The following ADAMTS20 variants were observed in gnomAD, a reference collection of about 807,000 sequenced individuals.
ADAMTS20 encodes the protein A disintegrin and metalloproteinase with thrombospondin motifs 20.
A neutral mutation model predicts 260.1 loss-of-function variants in ADAMTS20; 225 were observed. That is an observed-to-expected ratio of 0.87 (90% CI 0.78 to 0.97). The LOEUF is 0.97. Among genes scored for constraint, ADAMTS20 ranks in the 50% least tolerant of loss-of-function variants. The pLI is 0.00. For missense variants in ADAMTS20, 2,400 were observed against 2,337.7 expected, an observed-to-expected ratio of 1.03 and a Z score of -0.55; for synonymous variants, 802 against 769.5, an observed-to-expected ratio of 1.04 and a Z score of -0.70.
At chr12:43,532,428 G>A (rs1326866338) in intron 2 of ADAMTS20, among the ~76,000 whole-genome samples, 5 of 152,030 alleles carry the variant, frequency 3.3e-5, no homozygotes, top group Admixed American at 6.6e-5. Flanking sequence ...GCTAAGTGAC[G>A]GGCATTCCAG....
At chr12:43,517,529 T>TATTTGGTAATA (rs1268690791) in intron 3 of ADAMTS20, among the ~76,000 whole-genome samples, 1 of 152,084 alleles carries the variant, frequency 6.6e-6, no homozygotes, top group Admixed American at 6.6e-5. Flanking sequence ...TATTAAATAT[T>TATTTGGTAATA]ATTTGGTAAA....
chr12:43,466,712 A>T lies in ADAMTS20; in HGVS notation c.1307T>A (p.Phe436Tyr). 1 of 1,611,992 alleles carries T rather than the reference A, an allele frequency of 6.2e-7. No homozygotes were observed. Among genetic ancestry groups the T allele is most frequent in the Non-Finnish European group, 8.5e-7 (1 of 1,178,588 alleles). The change falls in exon 9 of 39, where the codon TTT becomes TAT. Residue 436 changes from phenylalanine to tyrosine, a missense_variant. Coordinates refer to ENST00000389420, the MANE Select transcript of ADAMTS20 (RefSeq NM_025003.5). ...TGACCAGCTCCAAGGACTCATGTGA[A>T]AACTTAAAGCAGGGGCCATTACATG... ...KYHVMAPALSFHMSPWSWSNC... is the reference protein window; with the variant it reads ...KYHVMAPALSYHMSPWSWSNC...
intron 3 of ADAMTS20, 49 bp from the exon 4 acceptor site, chr12:43,502,454 C>A: frequency 3.9e-6 from 6 of 1,525,968 alleles, no homozygotes; most frequent in South Asian, 2.6e-5. Context: ...TTGGATGTGA[C>A]GAAAAATATC....
intron 11 of ADAMTS20, among the ~76,000 whole-genome samples, chr12:43,459,488 C>T (rs529245408): frequency 6.6e-5 from 10 of 152,284 alleles, no homozygotes; most frequent in African/African-American, 1.2e-4. Flanking sequence ...CGAGGCTTGC[C>T]GCCATCTTGG....
chr12:43,379,575 C>T (rs886796899), intron 31 of ADAMTS20, among the ~76,000 whole-genome samples: 4 of 152,180 alleles, frequency 2.6e-5, no homozygotes, highest in African/African-American at 9.7e-5. Flanking sequence ...AACCCCCCAA[C>T]ACACAGTACC....
intron 35 of ADAMTS20, 49 bp from the exon 36 acceptor site, chr12:43,375,561 T>C: frequency 6.3e-7 from 1 of 1,591,704 alleles, no homozygotes; most frequent in Non-Finnish European, 8.6e-7. Context: ...TACGAGGCCA[T>C]AATGTAGACA....
chr12:43,439,412 A>G (rs571614724), intron 18 of ADAMTS20, among the ~76,000 whole-genome samples: 6 of 152,360 alleles, frequency 3.9e-5, no homozygotes, highest in African/African-American at 1.4e-4. Flanking sequence ...GGGTGAAAAG[A>G]GTAGCATTAA....
intron 21 of ADAMTS20, among the ~76,000 whole-genome samples, chr12:43,432,053 A>G (rs571610510): frequency 4.6e-4 from 70 of 151,978 alleles, no homozygotes; most frequent in South Asian, 1.5e-3. Context: ...AAATTTCACT[A>G]TGTTGCTCAG....
intron 7 of ADAMTS20, among the ~76,000 whole-genome samples, chr12:43,472,170 C>G (rs1189845782): frequency 1.4e-5 from 2 of 145,042 alleles, no homozygotes; most frequent in African/African-American, 5.1e-5. Flanking sequence ...AACCAAGGCT[C>G]GAGAACTACG....
rs116743891 is a variant in ADAMTS20, at chr12:43,402,422, G to A, written c.4285-3189C>T. Among the ~76,000 whole-genome samples, 597 of 152,020 alleles carry A rather than the reference G, an allele frequency of 3.9e-3. 5 individuals carry two copies. The highest frequency in any genetic ancestry group is 0.014 in the African/African-American group (569 of 41,510). ...TTAAAGTAAAGTTCTTTTTCTCCAAGATCTGAAGAGGGTAAGTACAGATTC... is the reference window on the plus strand; with the variant it reads ...TTAAAGTAAAGTTCTTTTTCTCCAAAATCTGAAGAGGGTAAGTACAGATTC... On this transcript the variant is annotated intron_variant, in intron 28 of 38. Transcript: ENST00000389420.
rs544598041 is a variant in ADAMTS20, at chr12:43,409,570, C to A, written c.4285-10337G>T. Among the ~76,000 whole-genome samples, 43 of 118,388 alleles carry A rather than the reference C, an allele frequency of 3.6e-4. No individual in the cohort carries two copies. The South Asian group carries it at 9.7e-3, about 27-fold the overall frequency. The allele number at this position is 118,388 out of a possible 152,430, so 77.7% of individuals were successfully genotyped here. A position where few individuals can be genotyped will look rare whatever the true frequency, so the allele number is the denominator to read the frequency against. On this transcript the variant is annotated intron_variant, in intron 28 of 38. Coordinates refer to ENST00000389420, the MANE Select transcript of ADAMTS20 (RefSeq NM_025003.5). The stretch of plus-strand genomic sequence containing the variant: ...TGAGCCGAGATCCCGCCACTGCACT[C>A]CAGCCTGGGCGACAGAGCGAGACTC...
At chr12:43,438,815 T>C (rs763846206) in intron 18 of ADAMTS20, among the ~76,000 whole-genome samples, 3 of 152,174 alleles carry the variant, frequency 2.0e-5, no homozygotes, top group African/African-American at 4.8e-5. Flanking sequence ...CAAAATTCTC[T>C]ATCTTCAGCT....
chr12:43,455,407 A>G (rs1383314979), intron 11 of ADAMTS20, among the ~76,000 whole-genome samples: 1 of 152,166 alleles, frequency 6.6e-6, no homozygotes, highest in Non-Finnish European at 1.5e-5. Flanking sequence ...CTCTTCTTCC[A>G]AGATAGCACC....
At chr12:43,529,478 A>C (rs1349736199) in intron 3 of ADAMTS20, among the ~76,000 whole-genome samples, 1 of 152,210 alleles carries the variant, frequency 6.6e-6, no homozygotes, top group Non-Finnish European at 1.5e-5. Context: ...AGCCACAAAA[A>C]GGCATGAAAT....
intron 7 of ADAMTS20, among the ~76,000 whole-genome samples, chr12:43,478,265 T>C (rs1565565940): frequency 6.6e-6 from 1 of 151,878 alleles, no homozygotes; most frequent in Non-Finnish European, 1.5e-5. Context: ...ATGTAAAATG[T>C]GAAGGATGGG....
chr12:43,508,603 T>A (rs1428433332), intron 3 of ADAMTS20, among the ~76,000 whole-genome samples: 3 of 143,998 alleles, frequency 2.1e-5, no homozygotes, highest in African/African-American at 8.0e-5. Context: ...TTAATTAAAA[T>A]TTTTTTATTA....
chr12:43,551,999 T>C lies in ADAMTS20; in HGVS notation c.-78A>G. 1 of 1,120,884 alleles carries C rather than the reference T, an allele frequency of 8.9e-7. No homozygotes were observed. The allele number at this position is 1,120,884 out of a possible 1,614,324, so 69.4% of individuals were successfully genotyped here. On this transcript the variant is annotated 5_prime_UTR_variant, in exon 1 of 39. Transcript: ENST00000389420. The surrounding 1 kb of genome is among the most constrained non-coding windows in gnomAD (Gnocchi z 4.6). ...CAAGCCGGCTTCCCTCGCGCTCCGATCCCTCTCCTCCCTCTCGCCCGCCGC... is the reference window on the plus strand; with the variant it reads ...CAAGCCGGCTTCCCTCGCGCTCCGACCCCTCTCCTCCCTCTCGCCCGCCGC...
intron 28 of ADAMTS20, among the ~76,000 whole-genome samples, chr12:43,413,693 T>A (rs182350106): frequency 6.6e-6 from 1 of 152,330 alleles, no homozygotes; most frequent in East Asian, 1.9e-4. Flanking sequence ...TTTAATTTCA[T>A]TGCAAGTTTC....
In ADAMTS20 at chr12:43,521,332, T is replaced by C. The variant is rs530988200; in HGVS notation, c.613+10704A>G. On this transcript the variant is annotated intron_variant, in intron 3 of 38. Coordinates refer to ENST00000389420, the MANE Select transcript of ADAMTS20 (RefSeq NM_025003.5). ...GACCAATGCTGATTAAATTATTACA[T>C]TTAAAGGAATGGGAAATAATCTGTA... 2.6e-5 allele frequency among the ~76,000 whole-genome samples: 4 copies of C among 152,290 alleles called. No homozygotes were observed. In the South Asian group the frequency reaches 6.2e-4, roughly 24 times the overall value.
Sources: allele counts gnomAD v4.1 joint callset (sites outside exome capture counted in the v4.1 genomes callset), GRCh38; gene constraint gnomAD v4.1.1; non-coding constraint Gnocchi (gnomAD v3.1); transcripts MANE v1.5; gene names NCBI Gene and HGNC (gene_info 2026-07-23, HGNC 2026-07-21).